Variants in NDUFAF7 observed in about 807,000 individuals in gnomAD.
NDUFAF7 encodes the protein protein arginine methyltransferase NDUFAF7, mitochondrial.
In NDUFAF7, 48 loss-of-function variants were observed where a neutral mutation model predicts 47.2. The observed-to-expected ratio is 1.02, with a 90% confidence interval of 0.81 to 1.29. NDUFAF7 has a LOEUF of 1.29. NDUFAF7 is among the 50% of genes most tolerant of loss of function. The pLI is 0.00. For synonymous variants in NDUFAF7, 217 were observed against 190.0 expected (o/e 1.14, Z -1.17); for missense variants, 635 against 537.6 (o/e 1.18, Z -1.79).
Position 37,247,689 on chromosome 2 carries a change from T to C in NDUFAF7, c.1110+60T>C. ...TTTCATAGTATTTCAAAAATTACTT[T>C]AAATAGTATGTTCACCTGGCCTTAA... On this transcript the variant is annotated intron_variant, in intron 9 of 9. Coordinates refer to ENST00000002125, the MANE Select transcript of NDUFAF7 (RefSeq NM_144736.5). The C allele has an allele frequency of 2.5e-6, 4 of 1,576,846 alleles. No individual in the cohort carries two copies. The South Asian group carries it at 4.5e-5, about 18-fold the overall frequency.
chr2:37,261,431 G>A, the NDUFAF7 span, among the ~76,000 whole-genome samples: 220 of 151,166 alleles, frequency 1.5e-3, 2 homozygotes, highest in South Asian at 4.8e-3. Context: ...AGGCTGCAGT[G>A]AGCCGAGATC....
chr2:37,255,651 C>T (rs530212825), downstream of NDUFAF7, among the ~76,000 whole-genome samples: 4 of 152,262 alleles, frequency 2.6e-5, no homozygotes, highest in South Asian at 2.1e-4. Flanking sequence ...TATTCATTCA[C>T]GGAGCTCACA....
chr2:37,239,204 T>C (rs1418312883), intron 4 of NDUFAF7, among the ~76,000 whole-genome samples: 1 of 151,310 alleles, frequency 6.6e-6, no homozygotes, highest in African/African-American at 2.4e-5. Flanking sequence ...CTGCAACCTC[T>C]GCCTCCCAGG....
chr2:37,264,644 T>G, the NDUFAF7 span, among the ~76,000 whole-genome samples: 7 of 152,152 alleles, frequency 4.6e-5, no homozygotes, highest in African/African-American at 1.4e-4. Context: ...GGAGAAAGCA[T>G]TCCAGGCAGA....
chr2:37,265,346 G>A, the NDUFAF7 span, among the ~76,000 whole-genome samples: 2 of 152,188 alleles, frequency 1.3e-5, no homozygotes, highest in Non-Finnish European at 1.5e-5. Context: ...TTCAGTAAAT[G>A]AGGTGTGATT....
downstream of NDUFAF7, among the ~76,000 whole-genome samples, chr2:37,256,380 G>GT (rs1351781606): frequency 1.3e-5 from 2 of 152,170 alleles, no homozygotes; most frequent in Non-Finnish European, 2.9e-5. Flanking sequence ...CCAGAAAAGA[G>GT]TTTAACAGGT....
downstream of NDUFAF7, chr2:37,256,627 AATTTTT>A (rs1558522134): frequency 3.7e-5 from 46 of 1,247,224 alleles, no homozygotes; most frequent in Middle Eastern, 2.7e-4. Context: ...ACATAGCCAA[AATTTTT>A]TTTTTTTTTT....
At chr2:37,233,677 T>G (rs1378650691) in intron 2 of NDUFAF7, among the ~76,000 whole-genome samples, 2 of 149,148 alleles carry the variant, frequency 1.3e-5, no homozygotes, top group African/African-American at 5.0e-5. Context: ...TGGGCAGGCA[T>G]ATATACATTT....
downstream of NDUFAF7, among the ~76,000 whole-genome samples, chr2:37,256,237 A>C (rs144310257): frequency 2.0e-4 from 31 of 152,266 alleles, 1 homozygote; most frequent in African/African-American, 7.0e-4. Flanking sequence ...GTGGGAGATG[A>C]GGCTAGAAGG....
At chr2:37,240,276 G>A (rs1485469895) in intron 4 of NDUFAF7, among the ~76,000 whole-genome samples, 1 of 151,966 alleles carries the variant, frequency 6.6e-6, no homozygotes, top group Non-Finnish European at 1.5e-5. Context: ...TTACCCAGTC[G>A]TGGTAGCATG....
downstream of NDUFAF7, chr2:37,254,430 A>G: frequency 1.6e-6 from 1 of 637,962 alleles, no homozygotes. Context: ...CTTTTAGCTA[A>G]CATGTAAAAT....
intron 1 of NDUFAF7, 53 bp from the exon 2 acceptor site, chr2:37,232,053 C>T: frequency 6.2e-7 from 1 of 1,613,690 alleles, no homozygotes; most frequent in Non-Finnish European, 8.5e-7. Flanking sequence ...GCGGCTTGCG[C>T]TCGTGAATGG....
chr2:37,251,066 C>T (rs1220919067), downstream of NDUFAF7: 1 of 152,502 alleles, frequency 6.6e-6, no homozygotes, highest in African/African-American at 2.4e-5. Context: ...TAATTTTCAC[C>T]TTACATAGTA....
chr2:37,247,373 A>C, intron 8 of NDUFAF7, 83 bp from the exon 9 acceptor site: 1 of 1,492,698 alleles, frequency 6.7e-7, no homozygotes, highest in Non-Finnish European at 9.3e-7. Context: ...ATTAATGTAA[A>C]TATTAAATAA....
chr2:37,260,194 A>G, the NDUFAF7 span: 1 of 1,555,658 alleles, frequency 6.4e-7, no homozygotes, highest in South Asian at 1.2e-5. Context: ...TTTAATCGCT[A>G]GTTTAAAAAA....
At chr2:37,253,479 GTATC>G (rs1667681196), downstream of NDUFAF7, 149 of 696,256 alleles carry the variant, frequency 2.1e-4, 1 homozygote, top group East Asian at 3.9e-3. Context: ...CTACTCATAA[GTATC>G]TACTATGTAC....
chr2:37,240,018 G>A (rs911538076), intron 4 of NDUFAF7, among the ~76,000 whole-genome samples: 8 of 152,172 alleles, frequency 5.3e-5, no homozygotes, highest in African/African-American at 1.9e-4. Context: ...TAAAAAGGAG[G>A]ACAGTTGTTT....
chr2:37,260,181 G>T, the NDUFAF7 span: 3 of 1,517,766 alleles, frequency 2.0e-6, no homozygotes, highest in Non-Finnish European at 2.7e-6. Context: ...AAAAAAATTA[G>T]TTTTTAATCG....
chr2:37,260,480 GAA>G, the NDUFAF7 span: 2 of 1,131,864 alleles, frequency 1.8e-6, no homozygotes, highest in Admixed American at 4.6e-5. Flanking sequence ...GGCACAGAAA[GAA>G]AGCCTAGAGA....
Sources: allele counts gnomAD v4.1 joint callset (sites outside exome capture counted in the v4.1 genomes callset), GRCh38; gene constraint gnomAD v4.1.1; transcripts MANE v1.5; gene names NCBI Gene and HGNC (gene_info 2026-07-23, HGNC 2026-07-21).